Variants in RBM20 observed in about 807,000 individuals in gnomAD.
The protein encoded by RBM20 is RNA binding motif protein 20, also known as RNA-binding protein 20.
RBM20 carries 51 observed loss-of-function variants against 110.1 expected under a neutral mutation model. That is an observed-to-expected ratio of 0.46 (90% confidence interval 0.37 to 0.59). The LOEUF (loss-of-function observed/expected upper bound fraction) is 0.59, where lower values mean the gene tolerates loss of function less well. RBM20 is among the 20% of genes least tolerant of loss of function. The probability of loss-of-function intolerance (pLI) is 0.00; values close to 1 mark genes in which losing one functional copy is unlikely to be tolerated. For missense variants in RBM20, 1,512 were observed against 1,574.9 expected, an observed-to-expected ratio of 0.96 and a Z score of 0.68; for synonymous variants, 589 against 618.2, an observed-to-expected ratio of 0.95 and a Z score of 0.70.
At chr10:110,752,945 A>ATTTTT (rs71492062) in intron 1 of RBM20, among the ~76,000 whole-genome samples, 6 of 109,014 alleles carry the variant, frequency 5.5e-5, no homozygotes, top group Admixed American at 5.4e-4. Flanking sequence ...ATATATATAT[A>ATTTTT]TTTTTTTTTT....
intron 1 of RBM20, among the ~76,000 whole-genome samples, chr10:110,656,991 G>A (rs748584643): frequency 6.6e-6 from 1 of 151,198 alleles, no homozygotes; most frequent in Non-Finnish European, 1.5e-5. Flanking sequence ...TATATATCTT[G>A]GAGTGGAATT....
intron 5 of RBM20, among the ~76,000 whole-genome samples, chr10:110,786,992 A>G (rs1844427377): frequency 6.6e-6 from 1 of 152,062 alleles, no homozygotes; most frequent in African/African-American, 2.4e-5. Context: ...CCTCTTCCCC[A>G]CCCTCCAGCG....
rs761874743 is a variant in RBM20 at position 110,783,402 on chromosome 10, C to G, written c.1312C>G (p.Gln438Glu). Reference protein sequence around the residue: ...ELHVKGKLHAQKCLVFSENAG... With the variant: ...ELHVKGKLHAEKCLVFSENAG... The stretch of plus-strand genomic sequence containing the variant: ...GCATGTGAAAGGGAAGCTGCACGCT[C>G]AGAAATGCCTGGTCTTCTCTGAAAA... The change falls in exon 3 of 14, where the codon CAG (glutamine) becomes GAG (glutamate). Residue 438 changes from glutamine (Q) to glutamate (E), a missense_variant. This residue lies in a region of RBM20 where 1,149 missense variants were observed against 1,169.4 expected (regional missense o/e 0.98). Coordinates refer to ENST00000369519, the MANE Select transcript of RBM20 (RefSeq NM_001134363.3). 3 of 1,551,500 alleles carry G rather than the reference C, an allele frequency of 1.9e-6. No homozygotes were observed.
intron 1 of RBM20, among the ~76,000 whole-genome samples, chr10:110,660,001 A>G (rs1046443307): frequency 4.6e-5 from 7 of 151,486 alleles, no homozygotes; most frequent in South Asian, 2.1e-4. Context: ...ATTTTTTTGT[A>G]GAGTCCGGTT....
intron 1 of RBM20, among the ~76,000 whole-genome samples, chr10:110,688,128 A>G (rs1296913939): frequency 6.6e-6 from 1 of 152,116 alleles, no homozygotes; most frequent in Admixed American, 6.5e-5. Context: ...AAAATCAAAT[A>G]TTATTCATTT....
chr10:110,703,055 T>A (rs1175803047), intron 1 of RBM20, among the ~76,000 whole-genome samples: 1 of 150,604 alleles, frequency 6.6e-6, no homozygotes, highest in Non-Finnish European at 1.5e-5. Flanking sequence ...TTTGTTGAGA[T>A]AATTGTAGAT....
At chr10:110,651,053 A>G (rs935398819) in intron 1 of RBM20, among the ~76,000 whole-genome samples, 1 of 152,228 alleles carries the variant, frequency 6.6e-6, no homozygotes, top group Non-Finnish European at 1.5e-5. Flanking sequence ...GGACAAGCCA[A>G]TTAACCTTTC....
At chr10:110,784,912 T>G in intron 5 of RBM20, 23 bp downstream of exon 5, 5 of 1,323,386 alleles carry the variant, frequency 3.8e-6, no homozygotes, top group Non-Finnish European at 4.2e-6. Context: ...ACATTTTCTC[T>G]AGAAATTAAT....
intron 7 of RBM20, among the ~76,000 whole-genome samples, chr10:110,805,416 G>T (rs905638964): frequency 6.6e-6 from 1 of 152,200 alleles, no homozygotes; most frequent in African/African-American, 2.4e-5. Flanking sequence ...TGAGTTCTGG[G>T]CTCATCTAGA....
chr10:110,669,079 T>C (rs939688626), intron 1 of RBM20, among the ~76,000 whole-genome samples: 1 of 152,138 alleles, frequency 6.6e-6, no homozygotes, highest in Non-Finnish European at 1.5e-5. Flanking sequence ...CTCATAAAGG[T>C]GTTGTGGTTT....
At chr10:110,763,751 C>CTT (rs56845100) in intron 1 of RBM20, among the ~76,000 whole-genome samples, 2,158 of 64,414 alleles carry the variant, frequency 0.034, 42 homozygotes, top group South Asian at 0.048. Flanking sequence ...GGCTTCTTGG[C>CTT]TTTTTTTTTT....
chr10:110,664,262 G>T (rs1862146695), intron 1 of RBM20, among the ~76,000 whole-genome samples: 1 of 152,124 alleles, frequency 6.6e-6, no homozygotes, highest in East Asian at 1.9e-4. Context: ...AGATGAGCTG[G>T]AATATCTTGT....
At chr10:110,823,451 T>TC in intron 11 of RBM20, 29 bp from the exon 12 acceptor site, 6 of 1,047,906 alleles carry the variant, frequency 5.7e-6, no homozygotes, top group South Asian at 4.8e-5. Flanking sequence ...TTTTTTTTTT[T>TC]TTTTTTTGCC....
intron 1 of RBM20, among the ~76,000 whole-genome samples, chr10:110,704,338 G>T (rs1862805239): frequency 6.6e-6 from 1 of 152,168 alleles, no homozygotes; most frequent in South Asian, 2.1e-4. Context: ...CTATTACAAA[G>T]AAAGCTGCTA....
At chr10:110,807,702 C>T (rs1440141838) in intron 7 of RBM20, among the ~76,000 whole-genome samples, 2 of 152,234 alleles carry the variant, frequency 1.3e-5, no homozygotes, top group African/African-American at 2.4e-5. Context: ...TTTCCTGGAT[C>T]TGGGCTGGAA....
intron 1 of RBM20, among the ~76,000 whole-genome samples, chr10:110,724,042 G>C (rs766975931): frequency 6.6e-6 from 1 of 152,110 alleles, no homozygotes; most frequent in Non-Finnish European, 1.5e-5. Context: ...GCTCAGAAAG[G>C]TTACATTACT....
intron 12 of RBM20, among the ~76,000 whole-genome samples, chr10:110,826,926 G>A (rs758757019): frequency 7.9e-5 from 12 of 152,104 alleles, no homozygotes; most frequent in African/African-American, 9.7e-5. Flanking sequence ...GGAGTATTGC[G>A]TTGCATATAT....
At chr10:110,732,905 G>A (rs942081776) in intron 1 of RBM20, among the ~76,000 whole-genome samples, 1 of 152,116 alleles carries the variant, frequency 6.6e-6, no homozygotes, top group African/African-American at 2.4e-5. Context: ...TGCAGAACCT[G>A]GAAACAAGAA....
At chr10:110,650,416 T>C (rs1861929200) in intron 1 of RBM20, among the ~76,000 whole-genome samples, 1 of 152,178 alleles carries the variant, frequency 6.6e-6, no homozygotes, top group African/African-American at 2.4e-5. Flanking sequence ...AAGGGAGCAG[T>C]TAAGCAACTT....
Sources: gnomAD v4.1 joint callset for allele counts (sites outside exome capture counted in the v4.1 genomes callset) on GRCh38, gnomAD v4.1.1 for gene constraint, gnomAD v4.1.1 regional missense constraint, MANE v1.5 for transcripts, NCBI Gene and HGNC (gene_info 2026-07-23, HGNC 2026-07-21) for gene names.